RNFT2: variants seen among roughly 807,000 people sequenced by gnomAD.
The protein encoded by RNFT2 is ring finger protein, transmembrane 2.
In RNFT2, 36 loss-of-function variants were observed where a neutral mutation model predicts 53.0. The ratio of observed to expected loss-of-function variants is 0.68; its 90% CI spans 0.52 to 0.90. The LOEUF is 0.90. RNFT2 is among the 40% of genes least tolerant of loss of function. The probability of loss-of-function intolerance (pLI) is 0.00; values close to 1 mark genes in which losing one functional copy is unlikely to be tolerated. For synonymous variants in RNFT2, 260 were observed against 253.2 expected (o/e 1.03, Z -0.26); for missense variants, 514 against 585.6 (o/e 0.88, Z 1.26).
At chr12:116,756,434 C>G (rs1242897127) in intron 5 of RNFT2, among the ~76,000 whole-genome samples, 1 of 151,906 alleles carries the variant, frequency 6.6e-6, no homozygotes, top group African/African-American at 2.4e-5. Flanking sequence ...AATCTTGTAT[C>G]TGGAAAGTTT....
At chr12:116,784,694 C>G (rs1407297204) in intron 7 of RNFT2, among the ~76,000 whole-genome samples, 1 of 152,202 alleles carries the variant, frequency 6.6e-6, no homozygotes, top group African/African-American at 2.4e-5. Flanking sequence ...TCTAACTCTT[C>G]CTCTTTCTTC....
intron 4 of RNFT2, among the ~76,000 whole-genome samples, chr12:116,753,586 A>G (rs1872356311): frequency 6.6e-6 from 1 of 152,152 alleles, no homozygotes; most frequent in African/African-American, 2.4e-5. Flanking sequence ...TTATCCCTCT[A>G]TGAGGTATAA....
At chr12:116,845,262 T>A (rs2393089) in intron 10 of RNFT2, among the ~76,000 whole-genome samples, 919 of 91,184 alleles carry the variant, frequency 0.01, 7 homozygotes, top group African/African-American at 0.039. Flanking sequence ...AAAAAAAATA[T>A]ATATATATAT....
chr12:116,794,362 C>T (rs564392002), intron 7 of RNFT2, among the ~76,000 whole-genome samples: 13 of 151,996 alleles, frequency 8.6e-5, no homozygotes, highest in African/African-American at 3.1e-4. Context: ...CTTTGGGAGG[C>T]CAAGGCAGGC....
intron 7 of RNFT2, among the ~76,000 whole-genome samples, chr12:116,824,433 A>G (rs1876216083): frequency 6.6e-6 from 1 of 152,208 alleles, no homozygotes; most frequent in Non-Finnish European, 1.5e-5. Flanking sequence ...TTAAATTTAA[A>G]AAATGTATCT....
Position 116,750,151 on chromosome 12 carries a change from G to T in RNFT2, c.394G>T (p.Gly132Trp). The T allele has an allele frequency of 1.3e-6, 2 of 1,586,660 alleles. No individual in the cohort carries two copies. Residue 132 changes from glycine to tryptophan, a missense_variant, in exon 4 of 11, where the codon GGG (glycine) becomes TGG (tryptophan). Gly to Trp is a radical substitution (Grantham distance 184). Transcript: ENST00000257575. ...RGGSLLQHVGGDHRGHSEEGG... is the reference protein window; with the variant it reads ...RGGSLLQHVGWDHRGHSEEGG... Reference sequence around the variant, plus strand: ...GGGCTCCCTGCTGCAGCACGTGGGTGGGGACCACCGGGGGCACTCGGAGGA... The same window carrying T: ...GGGCTCCCTGCTGCAGCACGTGGGTTGGGACCACCGGGGGCACTCGGAGGA...
intron 7 of RNFT2, among the ~76,000 whole-genome samples, chr12:116,811,039 T>A (rs1380137636): frequency 6.6e-6 from 1 of 152,208 alleles, no homozygotes; most frequent in African/African-American, 2.4e-5. Context: ...ACCATTTCCA[T>A]CAGTATCACT....
intron 6 of RNFT2, among the ~76,000 whole-genome samples, chr12:116,768,170 G>GGC (rs1442452770): frequency 6.8e-6 from 1 of 146,088 alleles, no homozygotes; most frequent in East Asian, 2.1e-4. Context: ...GTGCAATCCC[G>GGC]GCTCACTGCA....
rs1877820080 is a variant in RNFT2, at chr12:116,849,808, C to T, written c.*360C>T. 7 of 712,566 alleles carry T rather than the reference C, an allele frequency of 9.8e-6. No individual in the cohort carries two copies. Among genetic ancestry groups the T allele is most frequent in the Non-Finnish European group, 1.2e-5 (7 of 574,694 alleles). The allele number at this position is 712,566 out of a possible 1,614,324, so 44.1% of individuals were successfully genotyped here. A position where few individuals can be genotyped will look rare whatever the true frequency, so the allele number is the denominator to read the frequency against. ...TTTCTTTTCTTTTCTTTCTCTCTCT[C>T]TCTGTTTCCCTCCCTCCCTCCTTCC... On this transcript the variant is annotated 3_prime_UTR_variant, in exon 11 of 11. Coordinates refer to ENST00000257575, the MANE Select transcript of RNFT2 (RefSeq NM_001382266.1).
intron 5 of RNFT2, among the ~76,000 whole-genome samples, chr12:116,758,290 T>G (rs1437515532): frequency 1.3e-5 from 2 of 152,234 alleles, no homozygotes; most frequent in Admixed American, 6.5e-5. Context: ...TCTGTGTCTT[T>G]TAAGTGGAGC....
chr12:116,849,119 C>G (rs915141965), intron 10 of RNFT2, among the ~76,000 whole-genome samples, 195 bp from the exon 11 acceptor site: 4 of 152,090 alleles, frequency 2.6e-5, no homozygotes, highest in African/African-American at 7.2e-5. Context: ...ACACCTGTCC[C>G]CTCCCCTGCT....
In RNFT2 at chr12:116,779,190, C is replaced by G. The variant is rs760824501; in HGVS notation, c.729-5C>G. On this transcript the variant is annotated splice_polypyrimidine_tract_variant and splice_region_variant and intron_variant, in intron 6 of 10. Coordinates refer to ENST00000257575, the MANE Select transcript of RNFT2 (RefSeq NM_001382266.1). ...ACCTTCTGACTCTCTCAATCCTCCC[C>G]CCAGCCTCATATTCCTGAAGCCCAA... 1.2e-6 allele frequency: 2 copies of G among 1,613,992 alleles called. No homozygotes were observed. Among genetic ancestry groups the G allele is most frequent in the Non-Finnish European group, 1.7e-6 (2 of 1,179,874 alleles).
intron 10 of RNFT2, among the ~76,000 whole-genome samples, chr12:116,842,114 C>T (rs867919208): frequency 2.5e-4 from 37 of 150,714 alleles, no homozygotes; most frequent in African/African-American, 7.8e-4. Context: ...CAAGCTCCGC[C>T]GTGTGGTTGC....
intron 3 of RNFT2, 138 bp from the exon 4 acceptor site, chr12:116,749,703 G>C (rs1003440143): frequency 1.3e-6 from 1 of 746,842 alleles, no homozygotes; most frequent in Non-Finnish European, 2.2e-6. Flanking sequence ...GGTCCTGGGA[G>C]GAAGGACTTC....
At chr12:116,781,023 A>G (rs539317382) in intron 7 of RNFT2, among the ~76,000 whole-genome samples, 3 of 152,270 alleles carry the variant, frequency 2.0e-5, no homozygotes, top group South Asian at 2.1e-4. Flanking sequence ...TGTAAGAACT[A>G]TTGGTTGTGG....
intron 6 of RNFT2, among the ~76,000 whole-genome samples, chr12:116,775,982 G>C (rs926273316): frequency 6.6e-6 from 1 of 152,124 alleles, no homozygotes; most frequent in Non-Finnish European, 1.5e-5. Context: ...GACAGAGGTT[G>C]CAGTGAGCCA....
chr12:116,761,946 A>G (rs1448783763), intron 5 of RNFT2, among the ~76,000 whole-genome samples: 2 of 152,092 alleles, frequency 1.3e-5, no homozygotes, highest in African/African-American at 4.8e-5. Flanking sequence ...TCACGCCTGT[A>G]ATCCCAACTA....
At chr12:116,813,162 T>C (rs899956947) in intron 7 of RNFT2, among the ~76,000 whole-genome samples, 3 of 151,806 alleles carry the variant, frequency 2.0e-5, no homozygotes, top group African/African-American at 7.3e-5. Context: ...TTTTGCCATG[T>C]TATCCAGGTT....
intron 7 of RNFT2, among the ~76,000 whole-genome samples, chr12:116,819,818 T>C (rs531809600): frequency 6.6e-6 from 1 of 152,328 alleles, no homozygotes; most frequent in South Asian, 2.1e-4. Context: ...TACAAACATA[T>C]GTAATCACTC....
Sources: gnomAD v4.1 joint callset for allele counts (sites outside exome capture counted in the v4.1 genomes callset) on GRCh38, gnomAD v4.1.1 for gene constraint, MANE v1.5 for transcripts, NCBI Gene and HGNC (gene_info 2026-07-23, HGNC 2026-07-21) for gene names.